The following TNK2 variants were observed in gnomAD, a reference collection of about 807,000 sequenced individuals.
TNK2 encodes the protein activated CDC42 kinase 1.
In TNK2, 83 loss-of-function variants were observed where a neutral mutation model predicts 101.8. The ratio of observed to expected loss-of-function variants is 0.82; its 90% CI spans 0.68 to 0.98. TNK2 has a LOEUF of 0.98. Ranked by LOEUF, TNK2 falls within the 50% of genes least tolerant of loss-of-function variation. The pLI, the probability that TNK2 is intolerant of heterozygous loss-of-function variation, is 0.00. For missense variants in TNK2, 1,665 were observed against 1,483.2 expected (o/e 1.12, Z -2.01); for synonymous variants, 804 against 633.0 (o/e 1.27, Z -4.06).
At chr3:195,869,696 C>T in intron 11 of TNK2, 155 bp from the exon 12 acceptor site, 1 of 770,200 alleles carries the variant, frequency 1.3e-6, no homozygotes. Flanking sequence ...AAACGGGAGG[C>T]CGCAGGCGGC....
At chr3:195,893,856 G>C (rs1759560618) in intron 1 of TNK2, among the ~76,000 whole-genome samples, 1 of 152,178 alleles carries the variant, frequency 6.6e-6, no homozygotes, top group Non-Finnish European at 1.5e-5. Context: ...AGCATCCCAG[G>C]CTCCCTTCCC....
intron 6 of TNK2, among the ~76,000 whole-genome samples, chr3:195,880,423 GCCCC>G (rs1751801314): frequency 8.5e-6 from 1 of 117,880 alleles, no homozygotes; most frequent in African/African-American, 3.4e-5. Context: ...CCCCAGCAAT[GCCCC>G]TTGAAGAGGA....
rs138841002 is a variant in TNK2 at position 195,902,163 on chromosome 3, G to C, written c.-19+6322C>G. ...GCAGATGGGCTGGTGGCAGTTGAGA[G>C]CTGACCCAAGAAAATCACAAATCCC... On this transcript the variant is annotated intron_variant, in intron 1 of 15. Coordinates refer to ENST00000672887, the MANE Select transcript of TNK2 (RefSeq NM_001382273.1). Among the ~76,000 whole-genome samples, 110 of 152,310 alleles carry C rather than the reference G, an allele frequency of 7.2e-4. 1 individual carries two copies. The highest frequency in any genetic ancestry group is 2.3e-3 in the African/African-American group (96 of 41,566).
At position 195,868,563 on chromosome 3, in the gene TNK2, T is replaced by C. The variant is rs934457419; in HGVS notation, c.1735A>G (p.Ser579Gly). 2 of 1,573,440 alleles carry C rather than the reference T, an allele frequency of 1.3e-6. No homozygotes were observed. The highest frequency in any genetic ancestry group is 1.8e-5 in the Admixed American group (1 of 55,628). ...TCGATGAGCGTGACCTCAGCCCCGCTGCCTCGGCTGGCCTTGGTGCCCGGC... is the reference window on the plus strand; with the variant it reads ...TCGATGAGCGTGACCTCAGCCCCGCCGCCTCGGCTGGCCTTGGTGCCCGGC... Reference protein sequence around the residue: ...RVPGTKASRGSGAEVTLIDFG... With the variant: ...RVPGTKASRGGGAEVTLIDFG... The change falls in exon 13 of 16, where the codon AGC (serine) becomes GGC (glycine). Residue 579 changes from serine (S) to glycine (G), a missense_variant. Coordinates refer to ENST00000672887, the MANE Select transcript of TNK2 (RefSeq NM_001382273.1).
intron 1 of TNK2, chr3:195,891,896 A>G: frequency 1.0e-6 from 1 of 985,538 alleles, no homozygotes; most frequent in South Asian, 4.7e-5. Context: ...TCTCCCTGAA[A>G]CACCAGCTAA....
chr3:195,877,324 G>A (rs1391525297), intron 9 of TNK2, among the ~76,000 whole-genome samples: 1 of 152,122 alleles, frequency 6.6e-6, no homozygotes, highest in Non-Finnish European at 1.5e-5. Flanking sequence ...GGCTCGGGGT[G>A]TCGGGGCCAC....
At chr3:195,904,136 T>C (rs953374063) in intron 1 of TNK2, among the ~76,000 whole-genome samples, 1 of 151,908 alleles carries the variant, frequency 6.6e-6, no homozygotes, top group African/African-American at 2.4e-5. Flanking sequence ...TACACACCTG[T>C]AGTCCCAGCT....
intron 1 of TNK2, among the ~76,000 whole-genome samples, chr3:195,903,948 T>C (rs1761482108): frequency 6.6e-6 from 1 of 152,158 alleles, no homozygotes; most frequent in Non-Finnish European, 1.5e-5. Flanking sequence ...TTACATATAC[T>C]AGCAACAAAC....
At chr3:195,870,931 G>T (rs1190067560) in intron 10 of TNK2, among the ~76,000 whole-genome samples, 2 of 151,460 alleles carry the variant, frequency 1.3e-5, no homozygotes, top group South Asian at 4.2e-4. Flanking sequence ...TGGTGTGTGG[G>T]GGCCCGCTGT....
chr3:195,892,751 A>G, intron 1 of TNK2: 1 of 1,287,030 alleles, frequency 7.8e-7, no homozygotes, highest in Admixed American at 3.9e-5. Flanking sequence ...CAGTGGTCAC[A>G]GTCCAGCCCT....
rs565917967 is a variant in TNK2, at chr3:195,864,104, G to A, written c.*77C>T. On this transcript the variant is annotated 3_prime_UTR_variant, in exon 16 of 16. Coordinates refer to ENST00000672887, the MANE Select transcript of TNK2 (RefSeq NM_001382273.1). ...AGCGGGTCCTCCAGGACTGGATGGG[G>A]GCATCTCCCCACTCCTGGTGGACGG... The A allele has an allele frequency of 1.9e-5, 31 of 1,594,060 alleles. No individual in the cohort carries two copies. The African/African-American group carries it at 3.8e-4, about 19-fold the overall frequency.
chr3:195,885,823 T>C lies in TNK2; in HGVS notation c.235-790A>G. On this transcript the variant is annotated intron_variant, in intron 3 of 15. Coordinates refer to ENST00000672887, the MANE Select transcript of TNK2 (RefSeq NM_001382273.1). This position sits in a 1 kb window ranked among gnomAD's most constrained non-coding sequence, Gnocchi z 4.7. ...GGCCTCCACTGAGGCACCCACAGCC[T>C]TGGCTCCAGATTGCAGATTCTTGCC... 1 of 328,502 alleles carries C rather than the reference T, an allele frequency of 3.0e-6. No individual in the cohort carries two copies. Among genetic ancestry groups the C allele is most frequent in the Non-Finnish European group, 6.1e-6 (1 of 165,196 alleles). 20.3% of individuals were successfully genotyped at this position (328,502 alleles called of 1,614,324 possible).
chr3:195,895,377 C>T (rs1278136754), intron 1 of TNK2: 2 of 1,550,812 alleles, frequency 1.3e-6, no homozygotes, highest in South Asian at 1.2e-5. Flanking sequence ...GCACCGGCAG[C>T]GTCACTGCCC....
chr3:195,863,903 G>A lies in TNK2; in HGVS notation c.*278C>T. The A allele has an allele frequency of 2.1e-6, 1 of 466,574 alleles. No homozygotes were observed. The highest frequency in any genetic ancestry group is 3.8e-6 in the Non-Finnish European group (1 of 259,968). The allele number at this position is 466,574 out of a possible 1,614,324, so 28.9% of individuals were successfully genotyped here. A position where few individuals can be genotyped will look rare whatever the true frequency, so the allele number is the denominator to read the frequency against. On this transcript the variant is annotated 3_prime_UTR_variant, in exon 16 of 16. Transcript: ENST00000672887. Reference sequence around the variant, plus strand: ...GGGCCAGAGGCAGGTCATACCCAGAGCCTGCTGGGGCAGCCCTCAAGCCTG... The same window carrying A: ...GGGCCAGAGGCAGGTCATACCCAGAACCTGCTGGGGCAGCCCTCAAGCCTG...
At chr3:195,869,396 TC>T (rs1235964460) in intron 12 of TNK2, 100 bp downstream of exon 12, 13 of 562,174 alleles carry the variant, frequency 2.3e-5, no homozygotes, top group Admixed American at 2.3e-5. Flanking sequence ...CCCACCCACC[TC>T]CCCTCCGGCC....
intron 9 of TNK2, 193 bp from the exon 10 acceptor site, chr3:195,872,663 C>A: frequency 1.7e-6 from 1 of 591,388 alleles, no homozygotes; most frequent in Admixed American, 3.4e-5. Flanking sequence ...TGTTTGCACA[C>A]GGCCTTACCC....
rs1194346623 is a variant in TNK2, at chr3:195,868,014, G to T, written c.2284C>A (p.Pro762Thr). ...PQVPPRVPIP[P>T]RPTRPHVQLS... ...TGGACGTGTGGGCGCGTGGGCCGAGGGGGGATGGGTACCCGAGGAGGCACC... is the reference window on the plus strand; with the variant it reads ...TGGACGTGTGGGCGCGTGGGCCGAGTGGGGATGGGTACCCGAGGAGGCACC... Residue 762 changes from proline (P) to threonine (T), a missense_variant, in exon 13 of 16, where the codon CCT becomes ACT. Coordinates refer to ENST00000672887, the MANE Select transcript of TNK2 (RefSeq NM_001382273.1). 5.1e-6 allele frequency: 8 copies of T among 1,580,890 alleles called. No homozygotes were observed. The highest frequency in any genetic ancestry group is 6.8e-6 in the Non-Finnish European group (8 of 1,170,182).
At chr3:195,866,802 C>T (rs548333751) in intron 15 of TNK2, 87 bp downstream of exon 15, 16 of 1,522,830 alleles carry the variant, frequency 1.1e-5, no homozygotes, top group Admixed American at 6.0e-5. Flanking sequence ...GAGCGGCCTG[C>T]GAGGTGTTGG....
intron 10 of TNK2, among the ~76,000 whole-genome samples, chr3:195,870,798 G>A (rs1744592224): frequency 6.6e-6 from 1 of 152,262 alleles, no homozygotes; most frequent in Non-Finnish European, 1.5e-5. Flanking sequence ...AGCCTCTCCT[G>A]GAGGTGTCTG....
Sources: gnomAD v4.1 joint callset for allele counts (sites outside exome capture counted in the v4.1 genomes callset) on GRCh38, gnomAD v4.1.1 for gene constraint, Gnocchi (gnomAD v3.1) non-coding constraint, MANE v1.5 for transcripts, NCBI Gene and HGNC (gene_info 2026-07-23, HGNC 2026-07-21) for gene names.